HSPA9: variants seen among roughly 807,000 people sequenced by gnomAD.
HSPA9 encodes the protein heat shock protein family A (Hsp70) member 9.
Under a neutral mutation model 81.5 loss-of-function variants are expected in HSPA9, and 28 were observed. The observed-to-expected ratio is 0.34, with a 90% CI of 0.25 to 0.47. HSPA9 has a LOEUF of 0.47. Among genes scored for constraint, HSPA9 ranks in the 20% least tolerant of loss-of-function variants. HSPA9 has a pLI of 1.00. For synonymous variants in HSPA9, 293 were observed against 290.4 expected (o/e 1.01, Z -0.09); for missense variants, 678 against 838.0 (o/e 0.81, Z 2.36).
chr5:138,559,241 G>A (rs1271449590), intron 11 of HSPA9, among the ~76,000 whole-genome samples: 1 of 151,942 alleles, frequency 6.6e-6, no homozygotes, highest in Non-Finnish European at 1.5e-5. Context: ...GAGTAGCTGG[G>A]ACTACAGGTA....
chr5:138,558,024 G>A (rs1309256349), intron 12 of HSPA9, 38 bp from the exon 13 acceptor site: 8 of 1,261,612 alleles, frequency 6.3e-6, no homozygotes, highest in African/African-American at 1.5e-5. Flanking sequence ...TCCTCTTACA[G>A]AGGGGTCCAG....
chr5:138,567,745 C>A, intron 5 of HSPA9, 23 bp from the exon 6 acceptor site: 2 of 1,567,160 alleles, frequency 1.3e-6, no homozygotes, highest in South Asian at 1.1e-5. Flanking sequence ...GAAATTCAAT[C>A]ATGGAATTCT....
intron 1 of HSPA9, among the ~76,000 whole-genome samples, chr5:138,574,486 G>C (rs992904967): frequency 6.6e-6 from 1 of 152,132 alleles, no homozygotes; most frequent in Non-Finnish European, 1.5e-5. Flanking sequence ...TGTCCCCTGG[G>C]GGAAAACACT....
At chr5:138,557,665 A>G (rs1750557156) in intron 13 of HSPA9, among the ~76,000 whole-genome samples, 169 bp from the exon 14 acceptor site, 4 of 152,188 alleles carry the variant, frequency 2.6e-5, no homozygotes, top group Admixed American at 1.3e-4. Flanking sequence ...AGGACCCAAT[A>G]TATACACAAA....
At chr5:138,571,812 T>G (rs867442996) in intron 3 of HSPA9, among the ~76,000 whole-genome samples, 27 of 146,176 alleles carry the variant, frequency 1.8e-4, no homozygotes, top group African/African-American at 6.1e-4. Context: ...CCAACTAATT[T>G]TGTGTGTGTG....
chr5:138,567,846 AAT>A, intron 5 of HSPA9, 124 bp from the exon 6 acceptor site: 1 of 753,892 alleles, frequency 1.3e-6, no homozygotes, highest in South Asian at 1.5e-5. Context: ...TAAGTGACCT[AAT>A]ATGTCCTTGC....
At chr5:138,561,033 T>TC in intron 10 of HSPA9, 1 of 494,394 alleles carries the variant, frequency 2.0e-6, no homozygotes, top group Non-Finnish European at 4.1e-6. Context: ...AACTGCATCT[T>TC]CAACAGGTTT....
chr5:138,574,923 T>C (rs746814127), intron 1 of HSPA9: 27 of 480,746 alleles, frequency 5.6e-5, no homozygotes, highest in East Asian at 3.6e-4. Context: ...GCTTTCCCAA[T>C]AGACTGCATC....
In HSPA9 at chr5:138,566,616, CGT is replaced by C. The variant is rs769206345; in HGVS notation, c.972+8_972+9del. ...ATCCATCAAGACTGCTCGAATTTTC[CGT>C]GTCTCACCTGCACAGATGAGGAGAG... On this transcript the variant is annotated splice_region_variant and intron_variant, in intron 9 of 16. Coordinates refer to ENST00000297185, the MANE Select transcript of HSPA9 (RefSeq NM_004134.7). 6.3e-7 allele frequency: 1 copy of C among 1,592,182 alleles called. No homozygotes were observed. The highest frequency in any genetic ancestry group is 1.1e-5 in the South Asian group (1 of 90,464).
At chr5:138,569,936 C>CA (rs1750842472) in intron 4 of HSPA9, among the ~76,000 whole-genome samples, 1 of 150,410 alleles carries the variant, frequency 6.6e-6, no homozygotes, top group African/African-American at 2.4e-5. Context: ...TGCTATTACT[C>CA]AGACTGGAGT....
chr5:138,557,473 A>C lies in HSPA9; in HGVS notation c.1657T>G (p.Leu553Val), dbSNP rs1290831418. Residue 553 changes from leucine to valine, a missense_variant, in exon 14 of 17, where the codon TTA (leucine) becomes GTA (valine). Physicochemically the swap from Leu to Val is conservative, Grantham distance 32. Coordinates refer to ENST00000297185, the MANE Select transcript of HSPA9 (RefSeq NM_004134.7). ...ATATTTTCAATATCATCTTTGCTTA[A>C]TCCACCAGAAGACTGGATTACAACT... ...QQIVIQSSGG[L>V]SKDDIENMVK... 6.2e-7 allele frequency: 1 copy of C among 1,607,256 alleles called. No homozygotes were observed. The highest frequency in any genetic ancestry group is 8.5e-7 in the Non-Finnish European group (1 of 1,174,518).
At chr5:138,559,786 A>C in intron 11 of HSPA9, 78 bp downstream of exon 11, 1 of 951,622 alleles carries the variant, frequency 1.1e-6, no homozygotes, top group Non-Finnish European at 1.7e-6. Flanking sequence ...TCTAGAAAAA[A>C]CTCATGAAAG....
At chr5:138,556,665 A>G (rs1244647997) in intron 15 of HSPA9, 73 bp from the exon 16 acceptor site, 14 of 1,575,738 alleles carry the variant, frequency 8.9e-6, no homozygotes, top group African/African-American at 2.7e-5. Context: ...TACTATTTAG[A>G]AACATTTTAA....
Position 138,575,333 on chromosome 5 carries a change from G to T in HSPA9, c.-15C>A. 1 of 1,606,216 alleles carries T rather than the reference G, an allele frequency of 6.2e-7. No individual in the cohort carries two copies. Among genetic ancestry groups the T allele is most frequent in the Non-Finnish European group, 8.5e-7 (1 of 1,174,606 alleles). ...GCACTTATCATGGCGGATAAATGGA[G>T]GAGTACGAGGCAGCAAACAAGCGCT... On this transcript the variant is annotated 5_prime_UTR_variant, in exon 1 of 17. Transcript: ENST00000297185.
At chr5:138,566,188 CAAAAAAA>C (rs1186233815) in intron 9 of HSPA9, among the ~76,000 whole-genome samples, 5,559 of 59,782 alleles carry the variant, frequency 0.093, 124 homozygotes, top group African/African-American at 0.16. Flanking sequence ...AACTCTGTCT[CAAAAAAA>C]AAAAAAAAAA....
At chr5:138,566,262 T>G (rs372124117) in intron 9 of HSPA9, among the ~76,000 whole-genome samples, 1 of 151,650 alleles carries the variant, frequency 6.6e-6, no homozygotes, top group Non-Finnish European at 1.5e-5. Flanking sequence ...TATTTAATAT[T>G]GTCAGTTAAG....
chr5:138,572,801 C>T (rs1262024885), intron 3 of HSPA9, among the ~76,000 whole-genome samples: 1 of 152,078 alleles, frequency 6.6e-6, no homozygotes, highest in Non-Finnish European at 1.5e-5. Context: ...TATCTGTGGC[C>T]AACCCCCCAA....
At chr5:138,573,953 A>T in intron 2 of HSPA9, 103 bp from the exon 3 acceptor site, 1 of 1,244,776 alleles carries the variant, frequency 8.0e-7, no homozygotes. Context: ...TATACTACAT[A>T]ATCTCTAAAT....
In HSPA9 at chr5:138,571,137, A is replaced by G; in HGVS notation, c.233T>C (p.Leu78Pro). The change falls in exon 4 of 17, where the codon CTG becomes CCG. Residue 78 changes from leucine (L) to proline (P), a missense_variant. By Grantham distance (98) the Leu-to-Pro change is moderately conservative (BLOSUM62 -3). Coordinates refer to ENST00000297185, the MANE Select transcript of HSPA9 (RefSeq NM_004134.7). The part of the protein sequence containing the change: ...AVMEGKQAKV[L>P]ENAEGARTTP... The stretch of plus-strand genomic sequence containing the variant: ...GGTTCTGGCACCTTCGGCATTCTCC[A>G]GCACCTAAACTCCCAAAATGTGATA... 1.2e-6 allele frequency: 2 copies of G among 1,613,578 alleles called. No homozygotes were observed. Among genetic ancestry groups the G allele is most frequent in the Non-Finnish European group, 1.7e-6 (2 of 1,179,944 alleles).
Sources: gnomAD v4.1 joint callset for allele counts (sites outside exome capture counted in the v4.1 genomes callset) on GRCh38, gnomAD v4.1.1 for gene constraint, MANE v1.5 for transcripts, NCBI Gene and HGNC (gene_info 2026-07-23, HGNC 2026-07-21) for gene names.